The following TUBA1A variants were observed in gnomAD, a reference collection of about 807,000 sequenced individuals.
The protein encoded by TUBA1A is tubulin alpha 1a.
A neutral mutation model predicts 34.6 loss-of-function variants in TUBA1A; 7 were observed. The observed-to-expected ratio is 0.20, with a 90% CI of 0.11 to 0.38. The LOEUF is 0.38. Among genes scored for constraint, TUBA1A ranks in the 10% least tolerant of loss-of-function variants. The pLI is 1.00. For synonymous variants in TUBA1A, 193 were observed against 210.2 expected (o/e 0.92, Z 0.71); for missense variants, 19 against 581.3 (o/e 0.03, Z 9.95).
rs371310839 is a variant in TUBA1A, at chr12:49,189,048, C to G, written c.-69G>C. On this transcript the variant is annotated 5_prime_UTR_variant, in exon 1 of 4. Coordinates refer to ENST00000301071, the MANE Select transcript of TUBA1A (RefSeq NM_006009.4). ...GGAGAGGTTGTTGCTTCTTACAGCG[C>G]GACTCTTAGGCGGTCGATGTAAGAG... The G allele has an allele frequency of 6.2e-7, 1 of 1,606,208 alleles. No individual in the cohort carries two copies. The highest frequency in any genetic ancestry group is 2.2e-5 in the East Asian group (1 of 44,842).
rs750179461 is a variant in TUBA1A at position 49,186,864 on chromosome 12, A to AGGTGT, written c.4-32_4-31insACACC. On this transcript the variant is annotated intron_variant, in intron 1 of 3. Coordinates refer to ENST00000301071, the MANE Select transcript of TUBA1A (RefSeq NM_006009.4). The surrounding 1 kb of genome is among the most constrained non-coding windows in gnomAD (Gnocchi z 6.6). ...GGGAGGAAAAGTGAAAAAATCGTAA[A>AGGTGT]ATTAAGGTGTATTAGCATTTCAAAC... The AGGTGT allele has an allele frequency of 9.9e-5, 159 of 1,613,786 alleles. No individual in the cohort carries two copies. Among genetic ancestry groups the AGGTGT allele is most frequent in the Non-Finnish European group, 1.3e-4 (155 of 1,180,010 alleles).
Position 49,188,737 on chromosome 12 carries a change from G to T in TUBA1A, c.3+240C>A. 1.4e-6 allele frequency: 2 copies of T among 1,460,624 alleles called. No individual in the cohort carries two copies. Among genetic ancestry groups the T allele is most frequent in the Non-Finnish European group, 9.0e-7 (1 of 1,116,050 alleles). The allele number at this position is 1,460,624 out of a possible 1,614,324, so 90.5% of individuals were successfully genotyped here. A position where few individuals can be genotyped will look rare whatever the true frequency, so the allele number is the denominator to read the frequency against. ...TCTCGGATAACACAGGCGCCTAGGC[G>T]CCGCCTTTGTTCCTCCCCAGCGCTC... On this transcript the variant is annotated intron_variant, in intron 1 of 3. Coordinates refer to ENST00000301071, the MANE Select transcript of TUBA1A (RefSeq NM_006009.4). This position sits in a 1 kb window ranked among gnomAD's most constrained non-coding sequence, Gnocchi z 4.9.
Position 49,188,814 on chromosome 12 carries a change from G to T in TUBA1A, c.3+163C>A. The T allele has an allele frequency of 6.3e-7, 1 of 1,597,798 alleles. No individual in the cohort carries two copies. Reference sequence around the variant, plus strand: ...CCGGTTCCTGCACCCGCACTGCGGCGGCGGCGGGGCTTGAGGATTTGGGGC... The same window carrying T: ...CCGGTTCCTGCACCCGCACTGCGGCTGCGGCGGGGCTTGAGGATTTGGGGC... On this transcript the variant is annotated intron_variant, in intron 1 of 3. Transcript: ENST00000301071. This position sits in a 1 kb window ranked among gnomAD's most constrained non-coding sequence, Gnocchi z 4.9.
intron 1 of TUBA1A, chr12:49,187,262 A>C: frequency 9.1e-7 from 1 of 1,096,640 alleles, no homozygotes; most frequent in South Asian, 2.3e-5. Context: ...GGACATCTGT[A>C]CTGCAGCTGA....
Position 49,188,246 on chromosome 12 carries a change from T to TC in TUBA1A, c.3+730dup, listed in dbSNP as rs1942207098. ...AGAAAACCCTTTTGGAGCCTACAGTTCCGCAATGATGAAAGGTTTTTTTGT... is the reference window on the plus strand; with the variant it reads ...AGAAAACCCTTTTGGAGCCTACAGTTCCCGCAATGATGAAAGGTTTTTTTGT... On this transcript the variant is annotated intron_variant, in intron 1 of 3. Transcript: ENST00000301071. The surrounding 1 kb of genome is among the most constrained non-coding windows in gnomAD (Gnocchi z 4.9). The TC allele has an allele frequency of 1.0e-6, 1 of 984,528 alleles. No homozygotes were observed. The highest frequency in any genetic ancestry group is 1.2e-6 in the Non-Finnish European group (1 of 829,362). 61.0% of individuals were successfully genotyped at this position (984,528 alleles called of 1,614,324 possible).
At chr12:49,187,592 A>T in intron 1 of TUBA1A, 1 of 972,290 alleles carries the variant, frequency 1.0e-6, no homozygotes. Context: ...TAGCAATTTC[A>T]TTACTTTTTT....
At position 49,188,926 on chromosome 12, in the gene TUBA1A, G is replaced by A. The variant is rs1942217918; in HGVS notation, c.3+51C>T. The A allele has an allele frequency of 6.2e-7, 1 of 1,613,872 alleles. No homozygotes were observed. On this transcript the variant is annotated intron_variant, in intron 1 of 3. Coordinates refer to ENST00000301071, the MANE Select transcript of TUBA1A (RefSeq NM_006009.4). This position sits in a 1 kb window ranked among gnomAD's most constrained non-coding sequence, Gnocchi z 4.9. ...CTTAAAGGTTTTCCAAGTAGAGCCT[G>A]GGGGCGCTGACTCCACCCAACGGCC...
Position 49,185,031 on chromosome 12 carries a change from C to G in TUBA1A, c.1335G>C (p.Glu445Asp), listed in dbSNP as rs746276826. 6.2e-7 allele frequency: 1 copy of G among 1,613,996 alleles called. No individual in the cohort carries two copies. Among genetic ancestry groups the G allele is most frequent in the African/African-American group, 1.3e-5 (1 of 74,908 alleles). Residue 445 changes from glutamate (E) to aspartate (D), a missense_variant, in exon 4 of 4, where the codon GAG (glutamate) becomes GAC (aspartate). By Grantham distance (45) the Glu-to-Asp change is conservative (BLOSUM62 2). This residue lies in a region of TUBA1A where 5 missense variants were observed against 16.2 expected (regional missense o/e 0.31). Transcript: ENST00000301071. ...VGVDSVEGEG[E>D]EEGEEY ...AACTTTAGTATTCCTCTCCTTCTTC[C>G]TCACCCTCTCCTTCAACAGAATCCA...
At position 49,186,989 on chromosome 12, in the gene TUBA1A, C is replaced by T; in HGVS notation, c.4-156G>A. ...ACGATACAAAGATTAAGGAAAATCA[C>T]CTGCTACAAATGCTGCATATGGGTG... On this transcript the variant is annotated intron_variant, in intron 1 of 3. Coordinates refer to ENST00000301071, the MANE Select transcript of TUBA1A (RefSeq NM_006009.4). The surrounding 1 kb of genome is among the most constrained non-coding windows in gnomAD (Gnocchi z 6.6). The T allele has an allele frequency of 6.7e-7, 1 of 1,492,122 alleles. No homozygotes were observed. The highest frequency in any genetic ancestry group is 8.9e-7 in the Non-Finnish European group (1 of 1,127,600). 92.4% of individuals were successfully genotyped at this position (1,492,122 alleles called of 1,614,324 possible).
intron 1 of TUBA1A, chr12:49,187,799 T>G: frequency 1.0e-6 from 1 of 984,464 alleles, no homozygotes; most frequent in Non-Finnish European, 1.2e-6. Context: ...ATCCTGAGAT[T>G]CTCTACCCAT....
At chr12:49,187,932 G>A (rs1942201052) in intron 1 of TUBA1A, 1 of 984,444 alleles carries the variant, frequency 1.0e-6, no homozygotes, top group Non-Finnish European at 1.2e-6. Context: ...GCGGGGAAGG[G>A]CGTTTCCCTG....
Position 49,189,026 on chromosome 12 carries a change from G to A in TUBA1A, c.-47C>T, listed in dbSNP as rs1942220590. The A allele has an allele frequency of 6.2e-7, 1 of 1,613,432 alleles. No homozygotes were observed. Among genetic ancestry groups the A allele is most frequent in the Non-Finnish European group, 8.5e-7 (1 of 1,179,466 alleles). ...GAGCTGATGGCGGAGACGAAGAGGA[G>A]AGGTTGTTGCTTCTTACAGCGCGAC... On this transcript the variant is annotated 5_prime_UTR_variant, in exon 1 of 4. Transcript: ENST00000301071.
In TUBA1A at chr12:49,184,991, C is replaced by A; in HGVS notation, c.*19G>T. 1.2e-6 allele frequency: 2 copies of A among 1,614,036 alleles called. No homozygotes were observed. The highest frequency in any genetic ancestry group is 2.2e-5 in the South Asian group (2 of 91,076). On this transcript the variant is annotated 3_prime_UTR_variant, in exon 4 of 4. Transcript: ENST00000301071. ...AATAAGCTTCCCTGTAAAAGCAGCA[C>A]CTTTGTGACGTTTTAACTTTAGTAT...
Position 49,188,030 on chromosome 12 carries a change from A to C in TUBA1A, c.3+947T>G. The stretch of plus-strand genomic sequence containing the variant: ...AGTCCAGACAGACAGACAGACACAC[A>C]CACACACACACACACACTTCAGTCG... On this transcript the variant is annotated intron_variant, in intron 1 of 3. Transcript: ENST00000301071. The surrounding 1 kb of genome is among the most constrained non-coding windows in gnomAD (Gnocchi z 4.9). 2 of 961,724 alleles carry C rather than the reference A, an allele frequency of 2.1e-6. No homozygotes were observed. The highest frequency in any genetic ancestry group is 2.5e-6 in the Non-Finnish European group (2 of 811,160). 59.6% of individuals were successfully genotyped at this position (961,724 alleles called of 1,614,324 possible).
Position 49,185,139 on chromosome 12 carries a change from A to C in TUBA1A, c.1227T>G (p.Val409=), listed in dbSNP as rs766135902. The change falls in exon 4 of 4, where the codon GTT becomes GTG. Residue 409 remains valine, a synonymous_variant. Transcript: ENST00000301071. ...YAKRAFVHWY[V]GEGMEEGEFS... is the part of the protein sequence containing the mutation. The stretch of plus-strand genomic sequence containing the variant: ...ACTCACCTTCCTCCATCCCCTCCCC[A>C]ACGTACCAGTGAACAAAGGCACGTT... The C allele has an allele frequency of 9.9e-6, 16 of 1,614,132 alleles. No homozygotes were observed. Among genetic ancestry groups the C allele is most frequent in the Admixed American group, 6.7e-5 (4 of 60,004 alleles).
In TUBA1A at chr12:49,188,864, C is replaced by T. The variant is rs1458327702; in HGVS notation, c.3+113G>A. The T allele has an allele frequency of 7.4e-6, 12 of 1,611,208 alleles. No homozygotes were observed. On this transcript the variant is annotated intron_variant, in intron 1 of 3. Transcript: ENST00000301071. The surrounding 1 kb of genome is among the most constrained non-coding windows in gnomAD (Gnocchi z 4.9). ...CTAAGCTAAACCTCACAAAACATAC[C>T]ACCACCCTCGCCCAGAGAGCTTACG...
Position 49,185,742 on chromosome 12 carries a change from G to A in TUBA1A, c.624C>T (p.Ala208=). ...GGTTTCTACGACAGATGTCATAGAT[G>A]GCCTCATTGTCTACCATGAAGGCAC... The part of the protein sequence containing the change: ...SDCAFMVDNE[A]IYDICRRNLD... Residue 208 remains alanine (A), a synonymous_variant, in exon 4 of 4, where the codon GCC becomes GCT. Coordinates refer to ENST00000301071, the MANE Select transcript of TUBA1A (RefSeq NM_006009.4). 5 of 1,614,040 alleles carry A rather than the reference G, an allele frequency of 3.1e-6. No homozygotes were observed. Among genetic ancestry groups the A allele is most frequent in the Non-Finnish European group, 4.2e-6 (5 of 1,179,994 alleles).
chr12:49,188,869 C>T lies in TUBA1A; in HGVS notation c.3+108G>A, dbSNP rs1942216817. The stretch of plus-strand genomic sequence containing the variant: ...CTAAACCTCACAAAACATACCACCA[C>T]CCTCGCCCAGAGAGCTTACGAAAGA... On this transcript the variant is annotated intron_variant, in intron 1 of 3. Coordinates refer to ENST00000301071, the MANE Select transcript of TUBA1A (RefSeq NM_006009.4). This position sits in a 1 kb window ranked among gnomAD's most constrained non-coding sequence, Gnocchi z 4.9. 6.2e-6 allele frequency: 10 copies of T among 1,612,062 alleles called. 1 individual carries two copies. The South Asian group carries it at 1.1e-4, about 18-fold the overall frequency.
At position 49,188,903 on chromosome 12, in the gene TUBA1A, TA is replaced by T; in HGVS notation, c.3+73del. 1.2e-6 allele frequency: 2 copies of T among 1,613,876 alleles called. No individual in the cohort carries two copies. The highest frequency in any genetic ancestry group is 2.2e-5 in the South Asian group (2 of 91,082). On this transcript the variant is annotated intron_variant, in intron 1 of 3. Coordinates refer to ENST00000301071, the MANE Select transcript of TUBA1A (RefSeq NM_006009.4). This position sits in a 1 kb window ranked among gnomAD's most constrained non-coding sequence, Gnocchi z 4.9. ...AGAGAGCTTACGAAAGAAAAGAGCTTAAAGGTTTTCCAAGTAGAGCCTGGGG... is the reference window on the plus strand; with the variant it reads ...AGAGAGCTTACGAAAGAAAAGAGCTTAAGGTTTTCCAAGTAGAGCCTGGGG...
Sources: allele counts gnomAD v4.1 joint callset, GRCh38; gene constraint gnomAD v4.1.1; regional missense constraint gnomAD v4.1.1; non-coding constraint Gnocchi (gnomAD v3.1); transcripts MANE v1.5; gene names NCBI Gene and HGNC (gene_info 2026-07-23, HGNC 2026-07-21).